Variants in FANCC observed in about 807,000 individuals in gnomAD.
FANCC encodes the protein FA complementation group C, also known as Fanconi anemia group C protein.
Under a neutral mutation model 71.3 loss-of-function variants are expected in FANCC, and 55 were observed. The ratio of observed to expected loss-of-function variants is 0.77; its 90% confidence interval spans 0.62 to 0.97. The LOEUF is 0.97. FANCC is among the 50% of genes least tolerant of loss of function. The pLI is 0.00. For missense variants in FANCC, 678 were observed against 670.9 expected, an observed-to-expected ratio of 1.01 and a Z score of -0.12; for synonymous variants, 275 against 244.9, an observed-to-expected ratio of 1.12 and a Z score of -1.15.
At chr9:95,251,986 A>G (rs1831357603) in intron 1 of FANCC, among the ~76,000 whole-genome samples, 1 of 152,156 alleles carries the variant, frequency 6.6e-6, no homozygotes, top group Admixed American at 6.5e-5. Flanking sequence ...TTAAAGAAAC[A>G]AACTGAAGAG....
chr9:95,316,634 A>G (rs1316729491), intron 1 of FANCC, among the ~76,000 whole-genome samples: 1 of 152,210 alleles, frequency 6.6e-6, no homozygotes, highest in Non-Finnish European at 1.5e-5. Context: ...GATTAGAACA[A>G]AAGTCCAGGC....
At chr9:95,289,583 T>C (rs1008901521) in intron 1 of FANCC, among the ~76,000 whole-genome samples, 3 of 152,238 alleles carry the variant, frequency 2.0e-5, no homozygotes, top group African/African-American at 7.2e-5. Context: ...TCAAAGCATA[T>C]TAATACATTC....
At chr9:95,307,409 T>C (rs1255900315) in intron 1 of FANCC, among the ~76,000 whole-genome samples, 1 of 152,238 alleles carries the variant, frequency 6.6e-6, no homozygotes, top group Non-Finnish European at 1.5e-5. Context: ...CTCTGATTTA[T>C]AAAGGGTATA....
intron 4 of FANCC, among the ~76,000 whole-genome samples, chr9:95,219,468 T>G (rs1219774181): frequency 1.3e-5 from 2 of 151,780 alleles, no homozygotes; most frequent in African/African-American, 4.8e-5. Flanking sequence ...GAATTGGCTG[T>G]TTTTTTTCAA....
intron 4 of FANCC, among the ~76,000 whole-genome samples, chr9:95,218,167 A>C (rs1828993741): frequency 6.6e-6 from 1 of 152,208 alleles, no homozygotes. Context: ...ACATTTAAGG[A>C]AGAAAAATAA....
intron 7 of FANCC, chr9:95,142,630 T>A (rs976121111): frequency 3.0e-4 from 45 of 152,108 alleles, no homozygotes; most frequent in African/African-American, 9.9e-4. Context: ...TTAGTGTAAG[T>A]ATTTGTCCTA....
At chr9:95,309,890 T>G (rs1835283684) in intron 1 of FANCC, among the ~76,000 whole-genome samples, 1 of 152,264 alleles carries the variant, frequency 6.6e-6, no homozygotes, top group Non-Finnish European at 1.5e-5. Flanking sequence ...AAAGAAGAGA[T>G]AGCTAGGTCA....
At position 95,149,957 on chromosome 9, in the gene FANCC, C is replaced by G. The variant is rs752339229; in HGVS notation, c.652G>C (p.Glu218Gln). 4 of 1,611,228 alleles carry G rather than the reference C, an allele frequency of 2.5e-6. No individual in the cohort carries two copies. The East Asian group carries it at 6.7e-5, about 27-fold the overall frequency. ...GREPQEILQP[E>Q]FFEAVNEAIL... ...GCCTCGTTTACAGCCTCAAAGAACT[C>G]TGGCTGGAGGATTTCCTGAGGTTCA... Residue 218 changes from glutamate to glutamine, a missense_variant, in exon 7 of 15, where the codon GAG becomes CAG. Transcript: ENST00000289081.
intron 13 of FANCC, among the ~76,000 whole-genome samples, chr9:95,107,689 C>G (rs955177078): frequency 7.2e-5 from 11 of 152,284 alleles, no homozygotes; most frequent in Non-Finnish European, 1.3e-4. Flanking sequence ...CGAATGTAGG[C>G]TTGCCTTTGC....
At chr9:95,243,943 G>C (rs1830782959) in intron 3 of FANCC, among the ~76,000 whole-genome samples, 1 of 152,248 alleles carries the variant, frequency 6.6e-6, no homozygotes, top group Non-Finnish European at 1.5e-5. Flanking sequence ...TGAGCTCACA[G>C]CCAGGGCATA....
At chr9:95,247,127 A>G (rs944723791) in intron 3 of FANCC, among the ~76,000 whole-genome samples, 2 of 152,224 alleles carry the variant, frequency 1.3e-5, no homozygotes, top group African/African-American at 4.8e-5. Context: ...TACAGGCAAA[A>G]GTAGATATTT....
In FANCC at chr9:95,117,379, T is replaced by C. The variant is rs1588070906; in HGVS notation, c.1008A>G (p.Ala336=). The change falls in exon 11 of 15, where the codon GCA becomes GCG. Residue 336 remains alanine, a synonymous_variant. Transcript: ENST00000289081. ...LEKASKQLRF[A]LKTYFPYTSP... ...AAGTGTAAGGAAAGTAGGTCTTGAG[T>C]GCAAACCGCAGCTGCCACAGGATGG... 1 of 1,613,712 alleles carries C rather than the reference T, an allele frequency of 6.2e-7. No individual in the cohort carries two copies. The highest frequency in any genetic ancestry group is 8.5e-7 in the Non-Finnish European group (1 of 1,179,926).
chr9:95,143,317 T>C (rs1195388142), intron 7 of FANCC, among the ~76,000 whole-genome samples: 2 of 152,144 alleles, frequency 1.3e-5, no homozygotes, highest in Non-Finnish European at 2.9e-5. Context: ...TTAGGTTTTT[T>C]ATGGAGGTCT....
chr9:95,194,407 A>C (rs1437845415), intron 4 of FANCC, among the ~76,000 whole-genome samples: 1 of 152,180 alleles, frequency 6.6e-6, no homozygotes, highest in Non-Finnish European at 1.5e-5. Flanking sequence ...TGGCACTAAG[A>C]AGATGCAGGA....
At chr9:95,186,501 C>T (rs1826720169) in intron 4 of FANCC, 1 of 152,124 alleles carries the variant, frequency 6.6e-6, no homozygotes, top group Non-Finnish European at 1.5e-5. Flanking sequence ...TTTGGATTAC[C>T]GTTTTTGAAC....
chr9:95,293,154 T>C, intron 1 of FANCC: 1 of 1,613,152 alleles, frequency 6.2e-7, no homozygotes, highest in Non-Finnish European at 8.5e-7. Flanking sequence ...TTGAAGACTC[T>C]TGTGGCTCTA....
intron 1 of FANCC, among the ~76,000 whole-genome samples, chr9:95,256,860 G>GA (rs919126405): frequency 9.6e-5 from 14 of 145,374 alleles, no homozygotes; most frequent in East Asian, 4.0e-4. Context: ...CAAATGGAAA[G>GA]AAAAAAAAAA....
At chr9:95,190,580 C>A (rs1298134491) in intron 4 of FANCC, among the ~76,000 whole-genome samples, 2 of 152,172 alleles carry the variant, frequency 1.3e-5, no homozygotes, top group African/African-American at 4.8e-5. Flanking sequence ...ACCCCTGCAC[C>A]CTCTTGCTTG....
chr9:95,250,083 G>GA (rs1337458010), intron 1 of FANCC, among the ~76,000 whole-genome samples: 1 of 152,144 alleles, frequency 6.6e-6, no homozygotes, highest in Non-Finnish European at 1.5e-5. Context: ...TCCTACCCCT[G>GA]AAGGCCATGC....
Sources: gnomAD v4.1 joint callset for allele counts (sites outside exome capture counted in the v4.1 genomes callset) on GRCh38, gnomAD v4.1.1 for gene constraint, MANE v1.5 for transcripts, NCBI Gene and HGNC (gene_info 2026-07-23, HGNC 2026-07-21) for gene names.